The following CPLANE1 variants were observed in gnomAD, a reference collection of about 807,000 sequenced individuals.
The protein encoded by CPLANE1 is ciliogenesis and planar polarity effector complex subunit 1, also known as ciliogenesis and planar polarity effector 1.
Under a neutral mutation model 362.5 loss-of-function variants are expected in CPLANE1, and 263 were observed. That is an observed-to-expected ratio of 0.73 (90% CI 0.66 to 0.80). CPLANE1 has a LOEUF of 0.80. Ranked by LOEUF, CPLANE1 falls within the 30% of genes least tolerant of loss-of-function variation. The probability of loss-of-function intolerance (pLI) is 0.00; values close to 1 mark genes in which losing one functional copy is unlikely to be tolerated. For missense variants in CPLANE1, 3,461 were observed against 3,793.4 expected, an observed-to-expected ratio of 0.91 and a Z score of 2.30; for synonymous variants, 1,212 against 1,302.6, an observed-to-expected ratio of 0.93 and a Z score of 1.50.
At chr5:37,101,604 T>C (rs1430011408), downstream of CPLANE1, among the ~76,000 whole-genome samples, 4 of 152,204 alleles carry the variant, frequency 2.6e-5, no homozygotes, top group East Asian at 1.9e-4. Flanking sequence ...GGAATTAGGA[T>C]GATGCTGGCC....
intron 6 of CPLANE1, among the ~76,000 whole-genome samples, chr5:37,240,799 G>A (rs1003110906): frequency 5.3e-5 from 8 of 152,164 alleles, no homozygotes; most frequent in African/African-American, 1.9e-4. Flanking sequence ...GAATATCAGA[G>A]TTCTGTTAGT....
chr5:37,183,737 C>A, intron 25 of CPLANE1, 38 bp from the exon 26 acceptor site: 2 of 1,341,260 alleles, frequency 1.5e-6, no homozygotes, highest in Non-Finnish European at 1.0e-6. Flanking sequence ...AATTAGAGAT[C>A]ATTTAATCAC....
chr5:37,241,462 A>AATAGATAG (rs536306146), intron 6 of CPLANE1, among the ~76,000 whole-genome samples: 3 of 151,970 alleles, frequency 2.0e-5, no homozygotes, highest in South Asian at 2.1e-4. Flanking sequence ...CTCAAAAATA[A>AATAGATAG]ATAGATAGAT....
chr5:37,142,642 T>A, intron 43 of CPLANE1, 162 bp from the exon 44 acceptor site: 1 of 452,078 alleles, frequency 2.2e-6, no homozygotes, highest in Non-Finnish European at 3.8e-6. Flanking sequence ...AATAAAAAAT[T>A]TGAAGTTAAA....
At chr5:37,188,792 G>A (rs1285466916) in intron 21 of CPLANE1, among the ~76,000 whole-genome samples, 1 of 152,184 alleles carries the variant, frequency 6.6e-6, no homozygotes, top group East Asian at 1.9e-4. Context: ...TTTGGAGGAA[G>A]AAAGATAATA....
chr5:37,182,749 G>T lies in CPLANE1; in HGVS notation c.5421+11C>A, dbSNP rs748081286. 28 of 1,509,116 alleles carry T rather than the reference G, an allele frequency of 1.9e-5. No individual in the cohort carries two copies. Among genetic ancestry groups the T allele is most frequent in the South Asian group, 2.3e-5 (2 of 85,578 alleles). 93.5% of individuals were successfully genotyped at this position (1,509,116 alleles called of 1,614,324 possible). ...TCTCATTTGTAAGTAATAAACAATT[G>T]ATATGCTTACCTTAATAATGGCATT... On this transcript the variant is annotated intron_variant, in intron 26 of 52. Transcript: ENST00000651892.
Position 37,227,223 on chromosome 5 carries a change from A to C in CPLANE1, c.1521+20T>G. The C allele has an allele frequency of 6.5e-7, 1 of 1,545,954 alleles. No homozygotes were observed. The highest frequency in any genetic ancestry group is 2.5e-5 in the East Asian group (1 of 40,814). The stretch of plus-strand genomic sequence containing the variant: ...AAAGTCATAATTGTTCCAAGTAAAT[A>C]AAATTCTGCTGCTAAGTACCTGAAA... On this transcript the variant is annotated intron_variant, in intron 11 of 52. Coordinates refer to ENST00000651892, the MANE Select transcript of CPLANE1 (RefSeq NM_001384732.1).
At chr5:37,245,109 A>G (rs1160069733) in intron 4 of CPLANE1, among the ~76,000 whole-genome samples, 2 of 151,372 alleles carry the variant, frequency 1.3e-5, no homozygotes. Flanking sequence ...CCACCACTGC[A>G]CTCCAGCCTG....
intron 21 of CPLANE1, among the ~76,000 whole-genome samples, chr5:37,195,598 C>CAA (rs1206058421): frequency 2.8e-5 from 3 of 109,076 alleles, no homozygotes; most frequent in Non-Finnish European, 3.8e-5. Context: ...GACTCTGTCT[C>CAA]AAAAAAAAAA....
At chr5:37,171,745 ACTCTCTCTCTCT>A (rs56407367) in intron 32 of CPLANE1, among the ~76,000 whole-genome samples, 24 of 128,428 alleles carry the variant, frequency 1.9e-4, no homozygotes, top group South Asian at 5.6e-4. Context: ...TCTCTAGCTT[ACTCTCTCTCTCT>A]CTCTCTCTCT....
the CPLANE1 span, among the ~76,000 whole-genome samples, chr5:37,076,928 ACTCTGGGC>A: frequency 1.3e-5 from 2 of 149,870 alleles, no homozygotes; most frequent in African/African-American, 4.9e-5. Flanking sequence ...GGTAGGCTCT[ACTCTGGGC>A]AGTAGCCAGC....
At chr5:37,225,867 A>AAG (rs1223068306) in intron 12 of CPLANE1, among the ~76,000 whole-genome samples, 1 of 151,508 alleles carries the variant, frequency 6.6e-6, no homozygotes, top group East Asian at 1.9e-4. Flanking sequence ...AAAAAAAAAA[A>AAG]AAAAAAAAGA....
intron 51 of CPLANE1, among the ~76,000 whole-genome samples, chr5:37,110,317 T>C (rs1758791586): frequency 1.3e-5 from 2 of 152,306 alleles, no homozygotes; most frequent in South Asian, 4.1e-4. Flanking sequence ...GACTCTGAAC[T>C]TTCTGTTCTG....
chr5:37,221,362 C>T lies in CPLANE1; in HGVS notation c.2708G>A (p.Trp903Ter). 6.6e-7 allele frequency: 1 copy of T among 1,512,754 alleles called. No individual in the cohort carries two copies. Among genetic ancestry groups the T allele is most frequent in the Non-Finnish European group, 8.8e-7 (1 of 1,132,382 alleles). The allele number at this position is 1,512,754 out of a possible 1,614,324, so 93.7% of individuals were successfully genotyped here. A position where few individuals can be genotyped will look rare whatever the true frequency, so the allele number is the denominator to read the frequency against. The change falls in exon 15 of 53, where the codon TGG becomes TAG. Residue 903 changes from tryptophan to a stop codon, truncating the protein, a stop_gained. Coordinates refer to ENST00000651892, the MANE Select transcript of CPLANE1 (RefSeq NM_001384732.1). LOFTEE classifies it high-confidence loss of function. ...CDQLAREILRWSQLPVKENKD... is the reference protein window; with the variant it reads ...CDQLAREILR ...ATTTTCTTTTACAGGTAGTTGGGAC[C>T]ATCTCAGGATTTCTCTTGCTAGCTG...
intron 8 of CPLANE1, among the ~76,000 whole-genome samples, chr5:37,234,207 C>A (rs1278647103): frequency 6.6e-6 from 1 of 151,868 alleles, no homozygotes; most frequent in Non-Finnish European, 1.5e-5. Flanking sequence ...CACCAAAGGA[C>A]CACAAAAATT....
intron 21 of CPLANE1, among the ~76,000 whole-genome samples, chr5:37,190,343 G>A (rs1263193755): frequency 6.6e-6 from 1 of 151,866 alleles, no homozygotes; most frequent in African/African-American, 2.4e-5. Context: ...GGTCAAGGTA[G>A]GACTGCTTGA....
At chr5:37,136,183 T>C (rs943679866) in intron 46 of CPLANE1, among the ~76,000 whole-genome samples, 6 of 152,198 alleles carry the variant, frequency 3.9e-5, no homozygotes, top group Admixed American at 2.0e-4. Context: ...ATTTAGTTAC[T>C]TCCTAGATAC....
chr5:37,239,540 A>G (rs578057289), intron 7 of CPLANE1, among the ~76,000 whole-genome samples, 173 bp downstream of exon 7: 17 of 142,908 alleles, frequency 1.2e-4, no homozygotes, highest in Non-Finnish European at 2.1e-4. Context: ...CCATGATCGC[A>G]CCACTGCACT....
chr5:37,178,297 A>C (rs998406388), intron 29 of CPLANE1, among the ~76,000 whole-genome samples: 1 of 151,956 alleles, frequency 6.6e-6, no homozygotes, highest in Non-Finnish European at 1.5e-5. Flanking sequence ...CTCAAAAATA[A>C]AAATAAAAAT....
Sources: allele counts gnomAD v4.1 joint callset (sites outside exome capture counted in the v4.1 genomes callset), GRCh38; gene constraint gnomAD v4.1.1; transcripts MANE v1.5; gene names NCBI Gene and HGNC (gene_info 2026-07-23, HGNC 2026-07-21).